SEL1L2: variants seen among roughly 807,000 people sequenced by gnomAD.
SEL1L2 encodes SEL1L2 adaptor subunit of SYVN1 ubiquitin ligase, also known as protein sel-1 homolog 2.
Under a neutral mutation model 98.8 loss-of-function variants are expected in SEL1L2, and 89 were observed. The observed-to-expected ratio is 0.90, with a 90% CI of 0.76 to 1.07. SEL1L2 has a LOEUF of 1.07. Ranked by LOEUF, SEL1L2 falls within the 50% of genes least tolerant of loss-of-function variation. The pLI is 0.00. For missense variants in SEL1L2, 788 were observed against 812.0 expected (o/e 0.97, Z 0.36); for synonymous variants, 262 against 278.5 (o/e 0.94, Z 0.59).
intron 1 of SEL1L2, among the ~76,000 whole-genome samples, chr20:13,983,023 CAA>C (rs57993052): frequency 0.096 from 1,471 of 15,356 alleles, 23 homozygotes; most frequent in Middle Eastern, 0.23. Flanking sequence ...GACTCCATCT[CAA>C]AAAAAAAAAA....
At chr20:13,936,067 C>T (rs182813388) in intron 2 of SEL1L2, among the ~76,000 whole-genome samples, 32 of 152,308 alleles carry the variant, frequency 2.1e-4, no homozygotes, top group African/African-American at 6.7e-4. Flanking sequence ...AGCTCTTCAT[C>T]GGAGAAAGAA....
chr20:13,992,701 A>G (rs985886228), upstream of SEL1L2, among the ~76,000 whole-genome samples: 5 of 152,142 alleles, frequency 3.3e-5, no homozygotes, highest in Non-Finnish European at 7.4e-5. Context: ...AATAATATAG[A>G]CTGGGTGACT....
chr20:13,855,049 C>CAA (rs71188190), intron 18 of SEL1L2, among the ~76,000 whole-genome samples: 45 of 81,022 alleles, frequency 5.6e-4, no homozygotes, highest in Admixed American at 9.0e-4. Context: ...GACTCCGTCT[C>CAA]AAAAAAAAAA....
At chr20:13,947,120 G>T (rs1002661226) in intron 2 of SEL1L2, among the ~76,000 whole-genome samples, 8 of 40,970 alleles carry the variant, frequency 2.0e-4, no homozygotes, top group Non-Finnish European at 1.6e-4. Context: ...CTGAAGCCTG[G>T]GGGCCAGGAT....
At chr20:13,937,292 C>T (rs1207390185) in intron 2 of SEL1L2, among the ~76,000 whole-genome samples, 2 of 152,202 alleles carry the variant, frequency 1.3e-5, no homozygotes, top group African/African-American at 2.4e-5. Context: ...AAGGGGTCCT[C>T]GGAGAATCTC....
intron 3 of SEL1L2, among the ~76,000 whole-genome samples, chr20:13,929,216 A>G (rs998852781): frequency 6.6e-6 from 1 of 150,854 alleles, no homozygotes; most frequent in Non-Finnish European, 1.5e-5. Flanking sequence ...CGCATAAGCC[A>G]CTCACTTGCA....
At chr20:13,979,732 A>G (rs932542167) in intron 1 of SEL1L2, among the ~76,000 whole-genome samples, 2 of 152,202 alleles carry the variant, frequency 1.3e-5, no homozygotes, top group Non-Finnish European at 2.9e-5. Flanking sequence ...AGATTTAAGC[A>G]TAAGACCAGA....
chr20:13,889,212 C>T (rs1293826174), intron 5 of SEL1L2, among the ~76,000 whole-genome samples: 1 of 150,422 alleles, frequency 6.6e-6, no homozygotes, highest in African/African-American at 2.4e-5. Context: ...TAAGGCCAGG[C>T]TGACCTCAAG....
chr20:13,855,815 C>A (rs574524321), intron 18 of SEL1L2, among the ~76,000 whole-genome samples: 1 of 152,242 alleles, frequency 6.6e-6, no homozygotes, highest in Admixed American at 6.5e-5. Flanking sequence ...CACGCCCTTG[C>A]GAGAGCTAGC....
At chr20:13,972,186 G>A (rs2051316225) in intron 1 of SEL1L2, among the ~76,000 whole-genome samples, 1 of 152,050 alleles carries the variant, frequency 6.6e-6, no homozygotes, top group African/African-American at 2.4e-5. Flanking sequence ...TATTTTGACT[G>A]GAATTGTTAA....
At chr20:13,992,196 C>T (rs2052557852), upstream of SEL1L2, among the ~76,000 whole-genome samples, 1 of 152,062 alleles carries the variant, frequency 6.6e-6, no homozygotes, top group Admixed American at 6.5e-5. Flanking sequence ...CCAGGTGTTG[C>T]AATGAACATG....
At chr20:13,956,581 T>C (rs1489222882) in intron 1 of SEL1L2, among the ~76,000 whole-genome samples, 1 of 152,154 alleles carries the variant, frequency 6.6e-6, no homozygotes, top group Non-Finnish European at 1.5e-5. Context: ...TGAAAATTAA[T>C]TGAATGATAC....
At chr20:13,963,384 G>A (rs898643474) in intron 1 of SEL1L2, among the ~76,000 whole-genome samples, 4 of 101,696 alleles carry the variant, frequency 3.9e-5, no homozygotes, top group African/African-American at 1.6e-4. Context: ...TAAACAATCT[G>A]GAGCAGCAAA....
chr20:13,849,465 G>A lies in SEL1L2; in HGVS notation c.*20C>T. 6.2e-7 allele frequency: 1 copy of A among 1,612,878 alleles called. No individual in the cohort carries two copies. Among genetic ancestry groups the A allele is most frequent in the East Asian group, 2.2e-5 (1 of 44,864 alleles). On this transcript the variant is annotated 3_prime_UTR_variant, in exon 20 of 20. Coordinates refer to ENST00000284951, the MANE Select transcript of SEL1L2 (RefSeq NM_025229.2). ...GGAGTGAACTGATTCCCGTGAGCAG[G>A]TTTTCCTGTGATCCGCATCCTACCC...
At chr20:13,991,821 C>T (rs1346128638), upstream of SEL1L2, among the ~76,000 whole-genome samples, 3 of 152,068 alleles carry the variant, frequency 2.0e-5, no homozygotes, top group South Asian at 2.1e-4. Flanking sequence ...GGCGAAACCC[C>T]GTGTCTACTA....
Position 13,850,316 on chromosome 20 carries a change from T to C in SEL1L2, c.1822A>G (p.Ile608Val). 4 of 1,614,004 alleles carry C rather than the reference T, an allele frequency of 2.5e-6. No homozygotes were observed. Among genetic ancestry groups the C allele is most frequent in the Non-Finnish European group, 2.5e-6 (3 of 1,179,868 alleles). The change falls in exon 19 of 20, where the codon ATT (isoleucine) becomes GTT (valine). Residue 608 changes from isoleucine (I) to valine (V), a missense_variant. Physicochemically the swap from Ile to Val is conservative, Grantham distance 29. Coordinates refer to ENST00000284951, the MANE Select transcript of SEL1L2 (RefSeq NM_025229.2). ...TCGTACAATCTTCTGGCCAAGTGAATGTCCTAGAAGGAGAAGAATAGCCCT... is the reference window on the plus strand; with the variant it reads ...TCGTACAATCTTCTGGCCAAGTGAACGTCCTAGAAGGAGAAGAATAGCCCT... ...YEHGLGITKD[I>V]HLARRLYDMA...
At chr20:13,939,035 G>GTTTTCTTTTTTTTTTTTTTTTTTT (rs779584914) in intron 2 of SEL1L2, among the ~76,000 whole-genome samples, 1 of 31,472 alleles carries the variant, frequency 3.2e-5, no homozygotes, top group Non-Finnish European at 6.4e-5. Context: ...TTGTTTGCTT[G>GTTTTCTTTTTTTTTTTTTTTTTTT]TTTTGTTTTT....
At chr20:13,924,763 G>C (rs528164118) in intron 3 of SEL1L2, among the ~76,000 whole-genome samples, 230 of 152,142 alleles carry the variant, frequency 1.5e-3, no homozygotes, top group African/African-American at 5.1e-3. Context: ...CCTTTGTCAG[G>C]ATGCCTTGTT....
chr20:13,955,821 A>G (rs1354775619), intron 2 of SEL1L2, among the ~76,000 whole-genome samples: 1 of 152,136 alleles, frequency 6.6e-6, no homozygotes, highest in East Asian at 1.9e-4. Context: ...AATGGCAAAA[A>G]CCACAATTAC....
Sources: allele counts gnomAD v4.1 joint callset (sites outside exome capture counted in the v4.1 genomes callset), GRCh38; gene constraint gnomAD v4.1.1; transcripts MANE v1.5; gene names NCBI Gene and HGNC (gene_info 2026-07-23, HGNC 2026-07-21).